Variants in MATN2 observed in about 807,000 individuals in gnomAD.
MATN2 encodes the protein matrilin 2, also known as matrilin-2.
A neutral mutation model predicts 103.2 loss-of-function variants in MATN2; 69 were observed. The ratio of observed to expected loss-of-function variants is 0.67; its 90% CI spans 0.55 to 0.82. The LOEUF (loss-of-function observed/expected upper bound fraction) is 0.82, where lower values mean the gene tolerates loss of function less well. MATN2 is among the 40% of genes least tolerant of loss of function. MATN2 has a pLI of 0.00. For synonymous variants in MATN2, 429 were observed against 450.2 expected, an observed-to-expected ratio of 0.95 and a Z score of 0.60; for missense variants, 1,023 against 1,211.5, an observed-to-expected ratio of 0.84 and a Z score of 2.31.
At chr8:97,910,065 CTTT>C (rs1224584417) in intron 2 of MATN2, among the ~76,000 whole-genome samples, 1 of 134,958 alleles carries the variant, frequency 7.4e-6, no homozygotes, top group Non-Finnish European at 1.6e-5. Context: ...TTACAGGCGA[CTTT>C]TTTTTTTTTT....
At chr8:97,899,343 C>T (rs72675240) in intron 2 of MATN2, among the ~76,000 whole-genome samples, 15,470 of 152,218 alleles carry the variant, frequency 0.1, 1,066 homozygotes, top group Admixed American at 0.22. Context: ...AATTAACGGA[C>T]TCTTCCTCAA....
rs1315566355 is a variant in MATN2, at chr8:98,007,168, C to T, written c.1391C>T (p.Ser464Phe). The change falls in exon 9 of 19, where the codon TCC becomes TTC. Residue 464 changes from serine (S) to phenylalanine (F), a missense_variant. Transcript: ENST00000254898. This position sits in a 1 kb window ranked among gnomAD's most constrained non-coding sequence, Gnocchi z 4.2. ...CEQLCLNTED[S>F]FVCQCSEGFL... ...CAGCTGTGTCTGAACACGGAGGATT[C>T]CTTCGTCTGCCAGTGCTCAGAAGGC... is the stretch of plus-strand genomic sequence containing the variant. 4 of 1,613,782 alleles carry T rather than the reference C, an allele frequency of 2.5e-6. No homozygotes were observed. Among genetic ancestry groups the T allele is most frequent in the Non-Finnish European group, 3.4e-6 (4 of 1,179,844 alleles).
chr8:97,943,737 G>T (rs1480981348), intron 4 of MATN2, among the ~76,000 whole-genome samples: 1 of 152,094 alleles, frequency 6.6e-6, no homozygotes, highest in Non-Finnish European at 1.5e-5. Context: ...TTACAGGATT[G>T]AGCCGCTGTG....
intron 4 of MATN2, among the ~76,000 whole-genome samples, chr8:97,948,795 G>A (rs899422863): frequency 2.6e-5 from 4 of 152,168 alleles, no homozygotes; most frequent in Non-Finnish European, 5.9e-5. Context: ...AAATCTTGAT[G>A]ACCTCAGGTT....
chr8:98,008,762 G>A (rs1813061106), intron 10 of MATN2, among the ~76,000 whole-genome samples: 1 of 152,180 alleles, frequency 6.6e-6, no homozygotes. Flanking sequence ...GATGTAAGGG[G>A]TTTGTTGGTT....
intron 7 of MATN2, among the ~76,000 whole-genome samples, chr8:97,996,122 C>T (rs1263548639): frequency 6.6e-6 from 1 of 152,160 alleles, no homozygotes; most frequent in Non-Finnish European, 1.5e-5. Flanking sequence ...TGGTTCAGCT[C>T]AGATGCTCAT....
rs188081400 is a variant in MATN2 at position 98,032,012 on chromosome 8, C to T, written c.2510-234C>T. ...TAGACATGACATTTTTGGGAGCATT[C>T]TTAAGATGTACTTAGGGGGTCCAAG... On this transcript the variant is annotated intron_variant, in intron 15 of 18. Transcript: ENST00000254898. The T allele has an allele frequency of 4.6e-3, 1,526 of 329,380 alleles. 24 individuals are homozygous for T. Among genetic ancestry groups the T allele is most frequent in the African/African-American group, 0.033 (1,406 of 42,578 alleles). 20.4% of individuals were successfully genotyped at this position (329,380 alleles called of 1,614,324 possible). A position where few individuals can be genotyped will look rare whatever the true frequency, so the allele number is the denominator to read the frequency against.
chr8:98,035,774 G>A lies in MATN2; in HGVS notation c.*62G>A. On this transcript the variant is annotated 3_prime_UTR_variant, in exon 19 of 19. Coordinates refer to ENST00000254898, the MANE Select transcript of MATN2 (RefSeq NM_002380.5). ...CACGGATTACAATGAACGCAGTGCA[G>A]AGCCCCAAAGCTCAGGCTATTGTTA... 9.6e-7 allele frequency: 1 copy of A among 1,039,846 alleles called. No homozygotes were observed. The highest frequency in any genetic ancestry group is 1.4e-6 in the Non-Finnish European group (1 of 700,316). The allele number at this position is 1,039,846 out of a possible 1,614,324, so 64.4% of individuals were successfully genotyped here. A position where few individuals can be genotyped will look rare whatever the true frequency, so the allele number is the denominator to read the frequency against.
intron 2 of MATN2, among the ~76,000 whole-genome samples, chr8:97,923,583 C>G (rs866926417): frequency 6.6e-6 from 1 of 151,478 alleles, no homozygotes; most frequent in South Asian, 2.1e-4. Context: ...TGAGACGGAG[C>G]CTTGCTTTGT....
chr8:97,941,645 G>T (rs750622199), intron 3 of MATN2, 132 bp from the exon 4 acceptor site: 36 of 955,706 alleles, frequency 3.8e-5, no homozygotes, highest in Non-Finnish European at 5.5e-5. Flanking sequence ...CCCCCTTGAG[G>T]GTAGGGACTG....
At chr8:97,992,721 G>A (rs1812434342) in intron 6 of MATN2, among the ~76,000 whole-genome samples, 1 of 136,946 alleles carries the variant, frequency 7.3e-6, no homozygotes, top group Admixed American at 7.9e-5. Context: ...ACTCCAGCCT[G>A]GGTGTTAGAG....
At chr8:97,953,200 G>A (rs576749295) in intron 4 of MATN2, among the ~76,000 whole-genome samples, 11 of 152,004 alleles carry the variant, frequency 7.2e-5, no homozygotes, top group Admixed American at 5.9e-4. Context: ...CCATCGTGCC[G>A]GCCCATGTTT....
intron 3 of MATN2, among the ~76,000 whole-genome samples, chr8:97,937,200 T>C (rs1810400975): frequency 6.6e-6 from 1 of 152,150 alleles, no homozygotes; most frequent in Admixed American, 6.5e-5. Context: ...GGAGTGAGAC[T>C]ACCTCAGACC....
intron 2 of MATN2, among the ~76,000 whole-genome samples, chr8:97,906,630 G>C (rs1819179170): frequency 6.6e-6 from 1 of 152,148 alleles, no homozygotes; most frequent in Non-Finnish European, 1.5e-5. Flanking sequence ...CTGCAATGTA[G>C]AACTACCATG....
At position 97,987,804 on chromosome 8, in the gene MATN2, C is replaced by G. The variant is rs142127990; in HGVS notation, c.1082-6676C>G. Reference sequence around the variant, plus strand: ...AACATGTCTTCATATATTAGACATTCAAGAGAGAGGGAATAATAAAGATCT... The same window carrying G: ...AACATGTCTTCATATATTAGACATTGAAGAGAGAGGGAATAATAAAGATCT... On this transcript the variant is annotated intron_variant, in intron 6 of 18. Transcript: ENST00000254898. 9.9e-4 allele frequency among the ~76,000 whole-genome samples: 150 copies of G among 151,710 alleles called. 2 individuals carry two copies. The Middle Eastern group carries it at 0.01, about 10-fold the overall frequency.
chr8:98,009,172 G>A (rs1050574010), intron 10 of MATN2, among the ~76,000 whole-genome samples: 15 of 152,198 alleles, frequency 9.9e-5, no homozygotes, highest in African/African-American at 3.1e-4. Flanking sequence ...CTCAGGAACC[G>A]TATAGGAGAG....
chr8:97,959,386 G>A (rs1239874211), intron 4 of MATN2, among the ~76,000 whole-genome samples: 3 of 149,174 alleles, frequency 2.0e-5, no homozygotes, highest in Admixed American at 6.6e-5. Context: ...AATGAATATC[G>A]TATGATTCAG....
intron 2 of MATN2, among the ~76,000 whole-genome samples, chr8:97,903,267 G>A (rs939519305): frequency 6.6e-5 from 10 of 151,956 alleles, no homozygotes; most frequent in Non-Finnish European, 2.9e-5. Flanking sequence ...TTTGGAATTC[G>A]TGGCATAGGA....
intron 2 of MATN2, among the ~76,000 whole-genome samples, chr8:97,928,595 C>G (rs1187934230): frequency 6.6e-6 from 1 of 152,158 alleles, no homozygotes; most frequent in Non-Finnish European, 1.5e-5. Flanking sequence ...GGCTGGATTT[C>G]AGTTCCTCTC....
Sources: allele counts gnomAD v4.1 joint callset (sites outside exome capture counted in the v4.1 genomes callset), GRCh38; gene constraint gnomAD v4.1.1; non-coding constraint Gnocchi (gnomAD v3.1); transcripts MANE v1.5; gene names NCBI Gene and HGNC (gene_info 2026-07-23, HGNC 2026-07-21).